TEX9: variants seen among roughly 807,000 people sequenced by gnomAD.
The protein encoded by TEX9 is testis-expressed protein 9.
Under a neutral mutation model 59.6 loss-of-function variants are expected in TEX9, and 74 were observed. The ratio of observed to expected loss-of-function variants is 1.24; its 90% CI spans 1.03 to 1.51. The LOEUF is 1.51. Among genes scored for constraint, TEX9 ranks in the 40% most tolerant of loss-of-function variants. The pLI is 0.00. For missense variants in TEX9, 522 were observed against 447.8 expected (o/e 1.17, Z -1.49); for synonymous variants, 186 against 152.2 (o/e 1.22, Z -1.64).
At chr15:56,374,765 T>C (rs2047354041) in intron 3 of TEX9, 1 of 152,182 alleles carries the variant, frequency 6.6e-6, no homozygotes, top group South Asian at 2.1e-4. Flanking sequence ...TTAAGTTGTT[T>C]TGATTTTCAG....
chr15:56,387,860 A>G (rs1190209099), intron 4 of TEX9, among the ~76,000 whole-genome samples: 2 of 151,918 alleles, frequency 1.3e-5, no homozygotes, highest in Admixed American at 6.6e-5. Flanking sequence ...TAGTTTGCAG[A>G]CCTCCATAAA....
At position 56,309,693 on chromosome 15, in the gene TEX9, G is replaced by GTTTTTTTTTTTTTTTTT. The variant is rs60648387; in HGVS notation, c.-106-63733_-106-63717dup. 9.9e-5 allele frequency among the ~76,000 whole-genome samples: 6 copies of GTTTTTTTTTTTTTTTTT among 60,786 alleles called. 1 individual carries two copies. Among genetic ancestry groups the GTTTTTTTTTTTTTTTTT allele is most frequent in the African/African-American group, 2.2e-4 (3 of 13,690 alleles). 39.9% of individuals were successfully genotyped at this position (60,786 alleles called of 152,430 possible). On this transcript the variant is annotated intron_variant, in intron 1 of 5. Transcript: ENST00000560827. ...TCTGGGCCTGGGATTTTTATGGGAA[G>GTTTTTTTTTTTTTTTTT]TTTTTTTTTTTTTTTTTTTTTTTTT... is the stretch of plus-strand genomic sequence containing the variant.
At chr15:56,368,522 G>C (rs972841089) in intron 2 of TEX9, among the ~76,000 whole-genome samples, 2 of 152,028 alleles carry the variant, frequency 1.3e-5, no homozygotes, top group Non-Finnish European at 2.9e-5. Flanking sequence ...GATTAAAATT[G>C]TGAAACTGTC....
chr15:56,412,629 T>C (rs1281367571), intron 10 of TEX9, among the ~76,000 whole-genome samples, 193 bp downstream of exon 10: 2 of 152,214 alleles, frequency 1.3e-5, no homozygotes, highest in South Asian at 4.1e-4. Flanking sequence ...GTCGCCATTA[T>C]TGGGTGATGG....
chr15:56,253,730 T>G (rs1281152310), intron 1 of TEX9, among the ~76,000 whole-genome samples: 1 of 152,118 alleles, frequency 6.6e-6, no homozygotes, highest in Non-Finnish European at 1.5e-5. Context: ...TAGCCAAATC[T>G]GACTGAAAAT....
intron 5 of TEX9, 50 bp from the exon 6 acceptor site, chr15:56,389,268 G>A (rs1411769500): frequency 6.9e-7 from 1 of 1,448,792 alleles, no homozygotes; most frequent in Middle Eastern, 1.8e-4. Flanking sequence ...GCTTTCTTTG[G>A]CAAATGATTA....
intron 2 of TEX9, among the ~76,000 whole-genome samples, chr15:56,369,584 C>G (rs1240856348): frequency 6.6e-6 from 1 of 152,106 alleles, no homozygotes; most frequent in African/African-American, 2.4e-5. Context: ...ATCCACCTTC[C>G]TCGGCTTCCC....
intron 10 of TEX9, among the ~76,000 whole-genome samples, chr15:56,419,969 T>C (rs746363684): frequency 6.6e-6 from 1 of 151,760 alleles, no homozygotes; most frequent in Non-Finnish European, 1.5e-5. Context: ...GTATTCCTTA[T>C]AGAGGCTATA....
rs1175361703 is a variant in TEX9, at chr15:56,365,475, A to G, written c.25A>G (p.Thr9Ala). The change falls in exon 1 of 13, where the codon ACG (threonine) becomes GCG (alanine). Residue 9 changes from threonine to alanine, a missense_variant and splice_region_variant. Transcript: ENST00000352903. ...GATGGCGGGGCGAAGTCTGTGTCTC[A>G]CGGTCAGTTCAACTCCAGGCTCCTG... 2.5e-6 allele frequency: 4 copies of G among 1,613,984 alleles called. No individual in the cohort carries two copies. In the South Asian group the frequency reaches 4.4e-5, roughly 18 times the overall value.
chr15:56,377,677 G>T (rs1478206929), intron 3 of TEX9, among the ~76,000 whole-genome samples: 1 of 152,094 alleles, frequency 6.6e-6, no homozygotes, highest in Non-Finnish European at 1.5e-5. Context: ...CATATCATCT[G>T]TAAATGAGGT....
At chr15:56,300,515 A>T (rs1293790724) in intron 1 of TEX9, among the ~76,000 whole-genome samples, 1 of 150,620 alleles carries the variant, frequency 6.6e-6, no homozygotes, top group Non-Finnish European at 1.5e-5. Flanking sequence ...CCATCTGCTG[A>T]TTGTAGAGCC....
intron 10 of TEX9, among the ~76,000 whole-genome samples, chr15:56,412,954 A>G (rs1034108986): frequency 1.9e-4 from 29 of 152,208 alleles, no homozygotes; most frequent in African/African-American, 6.3e-4. Context: ...ACTTTTAACA[A>G]GTTCCCAGGT....
chr15:56,394,730 A>G (rs973076635), exon 9 of TEX9: 2 of 1,611,590 alleles, frequency 1.2e-6, no homozygotes, highest in East Asian at 2.2e-5. Context: ...ACAGCAGCGA[A>G]CAATTAATAT....
chr15:56,359,444 G>A (rs1360517466), intron 1 of TEX9, among the ~76,000 whole-genome samples: 2 of 152,056 alleles, frequency 1.3e-5, no homozygotes, highest in Non-Finnish European at 2.9e-5. Context: ...CCTTAAATAA[G>A]TGGAATTATG....
rs1433387781 is a variant in TEX9, at chr15:56,436,618, G to A, written c.*29+8145G>A. On this transcript the variant is annotated intron_variant, in intron 12 of 12. Coordinates refer to ENST00000352903, the Ensembl canonical transcript of TEX9. ...AAATAACTAAGATCAGAGCAGAACT[G>A]AAGGAGATAGAGACACAAAAAACCC... Among the ~76,000 whole-genome samples the A allele has an allele frequency of 4.6e-5, 7 of 152,148 alleles. No homozygotes were observed. In the East Asian group the frequency reaches 1.3e-3, roughly 29 times the overall value.
chr15:56,341,300 C>G (rs1212085397), intron 1 of TEX9, among the ~76,000 whole-genome samples: 1 of 152,138 alleles, frequency 6.6e-6, no homozygotes, highest in Non-Finnish European at 1.5e-5. Context: ...TTCTTAAATG[C>G]CAGCGATATT....
At chr15:56,411,026 C>T (rs2049317972) in intron 9 of TEX9, among the ~76,000 whole-genome samples, 1 of 152,054 alleles carries the variant, frequency 6.6e-6, no homozygotes. Flanking sequence ...GCCAGGGAGA[C>T]CAGTTTTTAA....
intron 9 of TEX9, chr15:56,396,435 C>T (rs2048472005): frequency 6.6e-6 from 1 of 152,104 alleles, no homozygotes; most frequent in Admixed American, 6.6e-5. Flanking sequence ...CCCCAAAATT[C>T]CCTGTGAATT....
At chr15:56,446,790 T>C (rs774770819), downstream of TEX9, 2 of 1,380,168 alleles carry the variant, frequency 1.4e-6, no homozygotes, top group South Asian at 1.3e-5. Flanking sequence ...ACAAGTCTAA[T>C]TTTTATTTTC....
Sources: gnomAD v4.1 joint callset for allele counts (sites outside exome capture counted in the v4.1 genomes callset) on GRCh38, gnomAD v4.1.1 for gene constraint, MANE v1.5 for transcripts, NCBI Gene and HGNC (gene_info 2026-07-23, HGNC 2026-07-21) for gene names.